The following BCL11A variants were observed in gnomAD, a reference collection of about 807,000 sequenced individuals.
The protein encoded by BCL11A is BCL11 transcription factor A, also known as B cell CLL/lymphoma 11A.
Under a neutral mutation model 55.9 loss-of-function variants are expected in BCL11A, and 2 were observed. The ratio of observed to expected loss-of-function variants is 0.04; its 90% confidence interval spans 0.01 to 0.11. BCL11A has a LOEUF of 0.11. Among genes scored for constraint, BCL11A ranks in the 10% least tolerant of loss-of-function variants. The pLI is 1.00. For synonymous variants in BCL11A, 465 were observed against 473.4 expected (o/e 0.98, Z 0.23); for missense variants, 817 against 1,137.1 (o/e 0.72, Z 4.05).
At position 60,470,089 on chromosome 2, in the gene BCL11A, T is replaced by G. The variant is rs372836194; in HGVS notation, c.386-1256A>C. ...AAGGCAGTTGGGACAAGATTTCCTTTCGCAAGGAGCCTGGTGGGTAACGAT... is the reference window on the plus strand; with the variant it reads ...AAGGCAGTTGGGACAAGATTTCCTTGCGCAAGGAGCCTGGTGGGTAACGAT... On this transcript the variant is annotated intron_variant, in intron 2 of 3. Transcript: ENST00000642384. Among the ~76,000 whole-genome samples the G allele has an allele frequency of 1.6e-4, 25 of 152,280 alleles. No homozygotes were observed. In the East Asian group the frequency reaches 4.4e-3, roughly 27 times the overall value.
At chr2:60,535,297 A>T (rs1178889965) in intron 2 of BCL11A, 2 of 152,232 alleles carry the variant, frequency 1.3e-5, no homozygotes, top group Non-Finnish European at 2.9e-5. Context: ...TTTTAATGCA[A>T]AATTGTAATA....
At chr2:60,511,334 C>G (rs1054078633) in intron 2 of BCL11A, among the ~76,000 whole-genome samples, 1 of 152,234 alleles carries the variant, frequency 6.6e-6, no homozygotes, top group Non-Finnish European at 1.5e-5. Flanking sequence ...TGAATAAGTG[C>G]TCCCCAGTAG....
chr2:60,504,906 A>C (rs1403174580), intron 2 of BCL11A, among the ~76,000 whole-genome samples: 1 of 152,036 alleles, frequency 6.6e-6, no homozygotes, highest in Non-Finnish European at 1.5e-5. Flanking sequence ...GCGTCCCCCC[A>C]AAAAAACAGC....
chr2:60,468,530 G>A (rs1176723322), intron 3 of BCL11A, among the ~76,000 whole-genome samples: 1 of 152,220 alleles, frequency 6.6e-6, no homozygotes, highest in African/African-American at 2.4e-5. Context: ...CCAGCCTCCA[G>A]TGAGGAAAGA....
In BCL11A at chr2:60,553,405, C is replaced by T. The variant is rs1233322087; in HGVS notation, c.-135G>A. 1 of 608,244 alleles carries T rather than the reference C, an allele frequency of 1.6e-6. No homozygotes were observed. Among genetic ancestry groups the T allele is most frequent in the African/African-American group, 2.3e-5 (1 of 43,314 alleles). The allele number at this position is 608,244 out of a possible 1,614,324, so 37.7% of individuals were successfully genotyped here. ...ATCTTCATCAGTGCCTTTTGACATC[C>T]AAAATAAATTAGAAATAATACAAAG... On this transcript the variant is annotated 5_prime_UTR_variant, in exon 1 of 4. Transcript: ENST00000642384.
chr2:60,459,446 A>G lies in BCL11A; in HGVS notation c.*958T>C. 9.8e-7 allele frequency: 1 copy of G among 1,022,128 alleles called. No homozygotes were observed. Among genetic ancestry groups the G allele is most frequent in the Non-Finnish European group, 1.2e-6 (1 of 851,418 alleles). 63.3% of individuals were successfully genotyped at this position (1,022,128 alleles called of 1,614,324 possible). ...TTCTTTTAAGCTCTCACCAGGAGCA[A>G]AGTAGCTTTTATACTGGTATAATCA... On this transcript the variant is annotated 3_prime_UTR_variant, in exon 4 of 4. Coordinates refer to ENST00000642384, the MANE Select transcript of BCL11A (RefSeq NM_022893.4).
downstream of BCL11A, among the ~76,000 whole-genome samples, chr2:60,456,177 C>T (rs991191585): frequency 6.6e-6 from 1 of 152,056 alleles, no homozygotes; most frequent in East Asian, 1.9e-4. Flanking sequence ...AAGAACTGAG[C>T]GACAAAAAAT....
At chr2:60,514,578 G>T (rs932243164) in intron 2 of BCL11A, among the ~76,000 whole-genome samples, 1 of 150,484 alleles carries the variant, frequency 6.6e-6, no homozygotes, top group East Asian at 2.0e-4. Flanking sequence ...TGAGGCAGGA[G>T]AATCACTTGA....
chr2:60,512,544 CAG>C, intron 2 of BCL11A, among the ~76,000 whole-genome samples: 1 of 152,180 alleles, frequency 6.6e-6, no homozygotes, highest in Admixed American at 6.5e-5. Flanking sequence ...CAATGCTCTG[CAG>C]AGAGTACATG....
chr2:60,533,300 C>T (rs992870533), intron 2 of BCL11A: 1 of 151,982 alleles, frequency 6.6e-6, no homozygotes, highest in African/African-American at 2.4e-5. Flanking sequence ...TACTTTTTAC[C>T]TTGTTAGGAT....
rs370249525 is a variant in BCL11A, at chr2:60,460,979, G to A, written c.1933C>T (p.Pro645Ser). 15 of 1,609,812 alleles carry A rather than the reference G, an allele frequency of 9.3e-6. No individual in the cohort carries two copies. Among genetic ancestry groups the A allele is most frequent in the East Asian group, 2.2e-5 (1 of 44,810 alleles). Residue 645 changes from proline to serine, a missense_variant, in exon 4 of 4, where the codon CCC (proline) becomes TCC (serine). By Grantham distance (74) the Pro-to-Ser change is moderately conservative. This residue lies in a region of BCL11A where 379 missense variants were observed against 425.3 expected (regional missense o/e 0.89). Coordinates refer to ENST00000642384, the MANE Select transcript of BCL11A (RefSeq NM_022893.4). The part of the protein sequence containing the change: ...RIKLEKEFDL[P>S]PAAMPNTENV... ...TCCGTGTTGGGCATCGCGGCCGGGGGCAGGTCGAACTCCTTCTCGAGCTTG... is the reference window on the plus strand; with the variant it reads ...TCCGTGTTGGGCATCGCGGCCGGGGACAGGTCGAACTCCTTCTCGAGCTTG...
chr2:60,472,870 A>G (rs537067712), intron 2 of BCL11A, among the ~76,000 whole-genome samples: 3 of 152,386 alleles, frequency 2.0e-5, no homozygotes, highest in East Asian at 3.9e-4. Context: ...CTAAGCAAAA[A>G]GCATCATTCC....
At chr2:60,505,190 C>T (rs1466086058) in intron 2 of BCL11A, among the ~76,000 whole-genome samples, 1 of 152,152 alleles carries the variant, frequency 6.6e-6, no homozygotes, top group African/African-American at 2.4e-5. Flanking sequence ...ACTAACAGCA[C>T]AATGGACATT....
intron 2 of BCL11A, among the ~76,000 whole-genome samples, chr2:60,519,788 T>A (rs1177222058): frequency 6.6e-6 from 1 of 152,216 alleles, no homozygotes; most frequent in East Asian, 1.9e-4. Context: ...GGGCTCCCAG[T>A]CACATCCTGT....
chr2:60,546,348 C>T lies in BCL11A; in HGVS notation c.56-48G>A. The stretch of plus-strand genomic sequence containing the variant: ...ACAATTATTAGAGTGCCAGAGAGGA[C>T]AGAAAGGGGAGAAGCACATCTCAAC... On this transcript the variant is annotated intron_variant, in intron 1 of 3. Coordinates refer to ENST00000642384, the MANE Select transcript of BCL11A (RefSeq NM_022893.4). This position sits in a 1 kb window ranked among gnomAD's most constrained non-coding sequence, Gnocchi z 4.1. 2.6e-6 allele frequency: 4 copies of T among 1,530,350 alleles called. No individual in the cohort carries two copies. The highest frequency in any genetic ancestry group is 3.6e-6 in the Non-Finnish European group (4 of 1,116,802). The allele number at this position is 1,530,350 out of a possible 1,614,324, so 94.8% of individuals were successfully genotyped here. A position where few individuals can be genotyped will look rare whatever the true frequency, so the allele number is the denominator to read the frequency against.
chr2:60,525,405 G>A (rs1355229029), intron 2 of BCL11A: 2 of 152,152 alleles, frequency 1.3e-5, no homozygotes, highest in Non-Finnish European at 2.9e-5. Context: ...CTTCAATTTT[G>A]CTTCCAGCAA....
intron 2 of BCL11A, among the ~76,000 whole-genome samples, chr2:60,510,897 T>A (rs1310918930): frequency 6.6e-6 from 1 of 152,044 alleles, no homozygotes; most frequent in Non-Finnish European, 1.5e-5. Context: ...AATGGAGGGG[T>A]TGAGCTGGTT....
At chr2:60,531,750 T>C (rs2104638711) in intron 2 of BCL11A, among the ~76,000 whole-genome samples, 1 of 152,262 alleles carries the variant, frequency 6.6e-6, no homozygotes, top group East Asian at 1.9e-4. Flanking sequence ...GCAGGGTCCA[T>C]AACGTCTTAT....
At chr2:60,500,316 G>A (rs1679210963) in intron 2 of BCL11A, among the ~76,000 whole-genome samples, 2 of 152,320 alleles carry the variant, frequency 1.3e-5, no homozygotes, top group South Asian at 4.1e-4. Context: ...GATAGGGCAG[G>A]TGAGGTTCCC....
Sources: allele counts gnomAD v4.1 joint callset (sites outside exome capture counted in the v4.1 genomes callset), GRCh38; gene constraint gnomAD v4.1.1; regional missense constraint gnomAD v4.1.1; non-coding constraint Gnocchi (gnomAD v3.1); transcripts MANE v1.5; gene names NCBI Gene and HGNC (gene_info 2026-07-23, HGNC 2026-07-21).